The following CLASP2 variants were observed in gnomAD, a reference collection of about 807,000 sequenced individuals.
CLASP2 encodes the protein cytoplasmic linker associated protein 2.
A neutral mutation model predicts 194.4 loss-of-function variants in CLASP2; 47 were observed. That is an observed-to-expected ratio of 0.24 (90% CI 0.19 to 0.31). The LOEUF (loss-of-function observed/expected upper bound fraction) is 0.31. Among genes scored for constraint, CLASP2 ranks in the 10% least tolerant of loss-of-function variants. The pLI is 1.00. For synonymous variants in CLASP2, 619 were observed against 633.5 expected, an observed-to-expected ratio of 0.98 and a Z score of 0.34; for missense variants, 1,445 against 1,823.6, an observed-to-expected ratio of 0.79 and a Z score of 3.78.
intron 3 of CLASP2, 92 bp from the exon 4 acceptor site, chr3:33,688,460 T>C: frequency 1.1e-6 from 1 of 917,484 alleles, no homozygotes. Flanking sequence ...ACCAACCTTA[T>C]CGGTAACTGA....
chr3:33,692,040 C>T (rs756985125), intron 2 of CLASP2, among the ~76,000 whole-genome samples: 1 of 152,020 alleles, frequency 6.6e-6, no homozygotes, highest in Non-Finnish European at 1.5e-5. Context: ...CGTGATGATG[C>T]GTGTCTGTAG....
intron 23 of CLASP2, among the ~76,000 whole-genome samples, chr3:33,576,954 T>C (rs1317845794): frequency 7.9e-5 from 12 of 151,510 alleles, no homozygotes; most frequent in Non-Finnish European, 5.9e-5. Flanking sequence ...AAAACAATTC[T>C]ATATTTAAAA....
chr3:33,547,419 A>G (rs1010866192), intron 30 of CLASP2, among the ~76,000 whole-genome samples: 2 of 152,182 alleles, frequency 1.3e-5, no homozygotes, highest in African/African-American at 4.8e-5. Flanking sequence ...GTTCAATTAA[A>G]CCTTTATTTT....
intron 7 of CLASP2, among the ~76,000 whole-genome samples, chr3:33,658,621 G>A (rs1047660622): frequency 1.3e-5 from 2 of 152,100 alleles, no homozygotes; most frequent in Non-Finnish European, 2.9e-5. Flanking sequence ...AAATCTTCCT[G>A]CTAAAATCTG....
chr3:33,613,547 C>A (rs1334923947), intron 12 of CLASP2, among the ~76,000 whole-genome samples: 2 of 152,210 alleles, frequency 1.3e-5, no homozygotes, highest in African/African-American at 2.4e-5. Flanking sequence ...TTTGCCACAG[C>A]TAACTCAACC....
chr3:33,511,608 T>C (rs185067015), intron 36 of CLASP2, among the ~76,000 whole-genome samples: 5 of 152,282 alleles, frequency 3.3e-5, no homozygotes, highest in East Asian at 3.9e-4. Flanking sequence ...TGTATTGAGC[T>C]TGGGGAGGGT....
intron 30 of CLASP2, among the ~76,000 whole-genome samples, chr3:33,548,763 CTTTTTTTTTT>C (rs57112524): frequency 5.4e-5 from 5 of 93,146 alleles, no homozygotes; most frequent in East Asian, 5.9e-4. Flanking sequence ...GGTTTCATTT[CTTTTTTTTTT>C]TTTTTTTTTT....
chr3:33,604,272 A>G (rs2073144566), intron 16 of CLASP2, 63 bp from the exon 17 acceptor site: 1 of 1,028,710 alleles, frequency 9.7e-7, no homozygotes, highest in Non-Finnish European at 1.5e-6. Context: ...ATAAAAACCA[A>G]TAAAATACTA....
At chr3:33,639,291 C>T (rs1404213525) in intron 8 of CLASP2, among the ~76,000 whole-genome samples, 2 of 152,104 alleles carry the variant, frequency 1.3e-5, no homozygotes, top group Non-Finnish European at 2.9e-5. Flanking sequence ...CTCCTGGGCT[C>T]AAGCAACCCA....
rs559462796 is a variant in CLASP2 at position 33,581,727 on chromosome 3, G to A, written c.2347+94C>T. The A allele has an allele frequency of 2.0e-5, 16 of 797,520 alleles. 1 individual carries two copies. Among genetic ancestry groups the A allele is most frequent in the South Asian group, 1.6e-4 (9 of 57,666 alleles). The allele number at this position is 797,520 out of a possible 1,614,324, so 49.4% of individuals were successfully genotyped here. On this transcript the variant is annotated intron_variant, in intron 23 of 38. Coordinates refer to ENST00000682230, the MANE Select transcript of CLASP2 (RefSeq NM_001365631.1). ...AAAGGGGTAGAGAGAAAGATCTGTCGACAAAGAAAGCTAAATCCCAGGTAT... is the reference window on the plus strand; with the variant it reads ...AAAGGGGTAGAGAGAAAGATCTGTCAACAAAGAAAGCTAAATCCCAGGTAT...
chr3:33,633,547 G>GATA (rs148664775), intron 8 of CLASP2, among the ~76,000 whole-genome samples: 2,229 of 152,256 alleles, frequency 0.015, 21 homozygotes, highest in South Asian at 0.035. Flanking sequence ...ACAGGGAACA[G>GATA]ATAATAGATT....
In CLASP2 at chr3:33,510,783, TAAGCCAGA is replaced by T; in HGVS notation, c.4111-27_4111-20del. 1.9e-6 allele frequency: 3 copies of T among 1,577,828 alleles called. No individual in the cohort carries two copies. The South Asian group carries it at 3.5e-5, about 18-fold the overall frequency. On this transcript the variant is annotated intron_variant, in intron 36 of 38. Transcript: ENST00000682230. ...TCACCACCTAAAAAAAATAGGAAAT[TAAGCCAGA>T]AAGTAATTTTTAAAATATTACACTA...
chr3:33,677,232 C>T (rs142192234), intron 6 of CLASP2, among the ~76,000 whole-genome samples: 16,302 of 152,060 alleles, frequency 0.11, 1,194 homozygotes, highest in Non-Finnish European at 0.16. Flanking sequence ...ATAAATCATG[C>T]TGCTATAAAG....
intron 18 of CLASP2, chr3:33,602,641 GC>G: frequency 1.4e-6 from 1 of 723,358 alleles, no homozygotes; most frequent in Admixed American, 1.9e-5. Context: ...TTAGATACAA[GC>G]CAATTCCCTT....
intron 21 of CLASP2, among the ~76,000 whole-genome samples, chr3:33,586,572 G>C (rs2067423925): frequency 6.6e-6 from 1 of 152,062 alleles, no homozygotes; most frequent in East Asian, 1.9e-4. Flanking sequence ...AGAAATGCAA[G>C]GGTTAAATTT....
intron 10 of CLASP2, among the ~76,000 whole-genome samples, chr3:33,626,654 A>G (rs558694318): frequency 1.3e-4 from 20 of 152,220 alleles, no homozygotes; most frequent in Middle Eastern, 3.4e-3. Context: ...ACCTTATATG[A>G]CTTGAGGATA....
At chr3:33,562,737 C>A (rs1468602025) in intron 27 of CLASP2, among the ~76,000 whole-genome samples, 2 of 152,188 alleles carry the variant, frequency 1.3e-5, no homozygotes, top group African/African-American at 2.4e-5. Flanking sequence ...ATATGAAAAT[C>A]CATTCTGAAA....
chr3:33,500,196 C>A (rs1178088086), intron 38 of CLASP2, among the ~76,000 whole-genome samples: 1 of 151,976 alleles, frequency 6.6e-6, no homozygotes, highest in Non-Finnish European at 1.5e-5. Flanking sequence ...CCATGCTTGG[C>A]TAATTTTTTT....
At chr3:33,537,653 G>A (rs1417847938) in intron 33 of CLASP2, among the ~76,000 whole-genome samples, 2 of 152,094 alleles carry the variant, frequency 1.3e-5, no homozygotes, top group Non-Finnish European at 1.5e-5. Context: ...TTACTTAAGT[G>A]TAATGATGTG....
Sources: allele counts gnomAD v4.1 joint callset (sites outside exome capture counted in the v4.1 genomes callset), GRCh38; gene constraint gnomAD v4.1.1; transcripts MANE v1.5; gene names NCBI Gene and HGNC (gene_info 2026-07-23, HGNC 2026-07-21).